Variants in TRPM3 observed in about 807,000 individuals in gnomAD.
The protein encoded by TRPM3 is transient receptor potential cation channel subfamily M member 3, also known as long transient receptor potential channel 3.
Under a neutral mutation model 181.2 loss-of-function variants are expected in TRPM3, and 77 were observed. That is an observed-to-expected ratio of 0.42 (90% CI 0.35 to 0.51). The LOEUF (loss-of-function observed/expected upper bound fraction) is 0.51, where lower values mean the gene tolerates loss of function less well. Among genes scored for constraint, TRPM3 ranks in the 20% least tolerant of loss-of-function variants. TRPM3 has a pLI of 0.01. For missense variants in TRPM3, 1,759 were observed against 2,196.7 expected (o/e 0.80, Z 3.98); for synonymous variants, 745 against 796.4 (o/e 0.94, Z 1.09).
chr9:70,569,549 T>A (rs997445224), intron 22 of TRPM3, among the ~76,000 whole-genome samples: 7 of 152,164 alleles, frequency 4.6e-5, no homozygotes, highest in African/African-American at 1.7e-4. Flanking sequence ...CAGATTATAA[T>A]AGGAACCAGA....
At chr9:71,063,105 A>G (rs1297707197) in intron 1 of TRPM3, among the ~76,000 whole-genome samples, 2 of 152,086 alleles carry the variant, frequency 1.3e-5, no homozygotes, top group African/African-American at 2.4e-5. Flanking sequence ...TGTATCTCCT[A>G]TCTCTAGAAT....
chr9:70,574,117 A>ACAC (rs953527601), intron 22 of TRPM3, among the ~76,000 whole-genome samples: 4 of 151,642 alleles, frequency 2.6e-5, no homozygotes, highest in African/African-American at 9.7e-5. Flanking sequence ...CACACTACTA[A>ACAC]CACCACCACC....
At chr9:70,945,012 T>C (rs554337354) in intron 1 of TRPM3, among the ~76,000 whole-genome samples, 2 of 152,348 alleles carry the variant, frequency 1.3e-5, no homozygotes, top group South Asian at 4.1e-4. Context: ...TGTCATTCTT[T>C]GAGCCACATT....
intron 6 of TRPM3, among the ~76,000 whole-genome samples, chr9:70,796,311 A>C (rs1026437358): frequency 6.6e-6 from 1 of 152,206 alleles, no homozygotes; most frequent in Non-Finnish European, 1.5e-5. Flanking sequence ...GCTAGGCAGG[A>C]AGGTGGATGG....
chr9:71,426,125 G>T (rs1015212851), intron 1 of TRPM3, among the ~76,000 whole-genome samples: 5 of 152,078 alleles, frequency 3.3e-5, no homozygotes, highest in African/African-American at 4.8e-5. Context: ...TCTCCCACTA[G>T]ACTGTGATCT....
chr9:71,191,590 C>T (rs1353284180), intron 1 of TRPM3, among the ~76,000 whole-genome samples: 1 of 151,738 alleles, frequency 6.6e-6, no homozygotes, highest in Admixed American at 6.6e-5. Context: ...GTCTGGACTC[C>T]AGTGACAGCC....
chr9:70,738,462 A>T (rs996694993), intron 8 of TRPM3, among the ~76,000 whole-genome samples: 6 of 152,216 alleles, frequency 3.9e-5, no homozygotes, highest in African/African-American at 1.4e-4. Flanking sequence ...GACACAACCT[A>T]TCAAAACCTC....
At chr9:70,618,275 A>ATAAT (rs1403172321) in intron 17 of TRPM3, among the ~76,000 whole-genome samples, 4 of 152,222 alleles carry the variant, frequency 2.6e-5, no homozygotes, top group Non-Finnish European at 5.9e-5. Flanking sequence ...TTTTTATAGG[A>ATAAT]TAATTTATAC....
chr9:71,004,547 G>A (rs2097652896), intron 1 of TRPM3, among the ~76,000 whole-genome samples: 1 of 152,170 alleles, frequency 6.6e-6, no homozygotes, highest in Non-Finnish European at 1.5e-5. Flanking sequence ...CTATATGCAG[G>A]CATCAATGTA....
chr9:70,790,946 T>G (rs2085234400), intron 6 of TRPM3, among the ~76,000 whole-genome samples: 2 of 152,144 alleles, frequency 1.3e-5, no homozygotes, highest in South Asian at 4.1e-4. Context: ...AGCTTTGAGC[T>G]ATTGAGGAGC....
chr9:70,928,564 A>G (rs1286992004), intron 1 of TRPM3, among the ~76,000 whole-genome samples: 1 of 152,140 alleles, frequency 6.6e-6, no homozygotes, highest in Non-Finnish European at 1.5e-5. Context: ...GAGCACCTGG[A>G]ACTCTTGTGA....
intron 1 of TRPM3, among the ~76,000 whole-genome samples, chr9:71,357,186 T>C (rs768522851): frequency 9.9e-5 from 15 of 152,220 alleles, no homozygotes; most frequent in Non-Finnish European, 2.1e-4. Flanking sequence ...AAGTTATGTC[T>C]TTGACTCATT....
At chr9:71,279,068 AAC>A (rs2084482093) in intron 1 of TRPM3, among the ~76,000 whole-genome samples, 2 of 149,024 alleles carry the variant, frequency 1.3e-5, no homozygotes, top group Non-Finnish European at 3.0e-5. Context: ...AAAATAAAAA[AAC>A]CACCAACGAC....
chr9:71,027,585 TGACA>T (rs1298862586), intron 1 of TRPM3, among the ~76,000 whole-genome samples: 3 of 152,160 alleles, frequency 2.0e-5, no homozygotes, highest in Non-Finnish European at 4.4e-5. Flanking sequence ...TTACAGGAGC[TGACA>T]GACAAAGTAG....
intron 11 of TRPM3, 28 bp from the exon 12 acceptor site, chr9:70,635,289 G>C (rs754305960): frequency 3.7e-6 from 6 of 1,610,164 alleles, no homozygotes; most frequent in Non-Finnish European, 5.1e-6. Flanking sequence ...GAATCAAACA[G>C]TTTTGCTAGT....
chr9:71,177,175 G>C (rs2077146373), intron 1 of TRPM3, among the ~76,000 whole-genome samples: 1 of 151,988 alleles, frequency 6.6e-6, no homozygotes, highest in Non-Finnish European at 1.5e-5. Context: ...CCTTGTGATC[G>C]GTTTTTGTCT....
intron 3 of TRPM3, among the ~76,000 whole-genome samples, chr9:70,849,301 G>A (rs2095124821): frequency 6.6e-6 from 1 of 151,978 alleles, no homozygotes; most frequent in South Asian, 2.1e-4. Context: ...CCCACCACCA[G>A]GCCCAGCTAA....
chr9:70,957,766 GA>G lies in TRPM3; in HGVS notation c.178-93256del, dbSNP rs573383981. 8.5e-5 allele frequency among the ~76,000 whole-genome samples: 13 copies of G among 152,202 alleles called. No individual in the cohort carries two copies. The East Asian group carries it at 2.5e-3, about 29-fold the overall frequency. ...CTATGGCATCTACTATCGAACATCA[GA>G]AAGAAGAGGCAGAACTTAACAGTTA... On this transcript the variant is annotated intron_variant, in intron 1 of 25. Transcript: ENST00000677713.
At chr9:71,145,192 T>C (rs901558483) in intron 1 of TRPM3, among the ~76,000 whole-genome samples, 9 of 152,178 alleles carry the variant, frequency 5.9e-5, no homozygotes, top group Non-Finnish European at 1.0e-4. Context: ...TGCCCTTTAG[T>C]CTATTGTGAA....
Sources: gnomAD v4.1 joint callset for allele counts (sites outside exome capture counted in the v4.1 genomes callset) on GRCh38, gnomAD v4.1.1 for gene constraint, MANE v1.5 for transcripts, NCBI Gene and HGNC (gene_info 2026-07-23, HGNC 2026-07-21) for gene names.